DOCK2: variants seen among roughly 807,000 people sequenced by gnomAD.
The protein encoded by DOCK2 is dedicator of cytokinesis 2.
A neutral mutation model predicts 248.9 loss-of-function variants in DOCK2; 87 were observed. The observed-to-expected ratio is 0.35, with a 90% confidence interval of 0.29 to 0.42. The LOEUF is 0.42. Among genes scored for constraint, DOCK2 ranks in the 10% least tolerant of loss-of-function variants. DOCK2 has a pLI of 1.00. For synonymous variants in DOCK2, 805 were observed against 821.6 expected, an observed-to-expected ratio of 0.98 and a Z score of 0.35; for missense variants, 1,747 against 2,300.2, an observed-to-expected ratio of 0.76 and a Z score of 4.92.
At chr5:169,844,072 G>A (rs1010909111) in intron 27 of DOCK2, among the ~76,000 whole-genome samples, 1 of 152,204 alleles carries the variant, frequency 6.6e-6, no homozygotes, top group African/African-American at 2.4e-5. Context: ...AAATCTAGGA[G>A]TGGAATTGCT....
In DOCK2 at chr5:169,895,594, T is replaced by C. The variant is rs550619994; in HGVS notation, c.2799+54742T>C. 7.9e-5 allele frequency among the ~76,000 whole-genome samples: 12 copies of C among 152,178 alleles called. No individual in the cohort carries two copies. The South Asian group carries it at 1.3e-3, about 16-fold the overall frequency. ...CCTTCGGTGCCCCATGCTTTCACCC[T>C]GACTCCAGCCACTGGGGGTTCCACC... On this transcript the variant is annotated intron_variant, in intron 27 of 51. Coordinates refer to ENST00000520908, the MANE Select transcript of DOCK2 (RefSeq NM_004946.3).
intron 27 of DOCK2, among the ~76,000 whole-genome samples, chr5:169,947,452 C>A (rs535142831): frequency 6.6e-6 from 1 of 152,284 alleles, no homozygotes; most frequent in Non-Finnish European, 1.5e-5. Context: ...TTCATTAGCC[C>A]TGTTTTACAG....
intron 23 of DOCK2, among the ~76,000 whole-genome samples, chr5:169,748,551 G>T (rs1429003096): frequency 6.6e-6 from 1 of 152,218 alleles, no homozygotes; most frequent in Non-Finnish European, 1.5e-5. Flanking sequence ...AAACCTGTGT[G>T]TTGGGGAAGG....
intron 17 of DOCK2, 78 bp downstream of exon 17, chr5:169,712,301 C>A: frequency 7.7e-7 from 1 of 1,295,968 alleles, no homozygotes; most frequent in South Asian, 1.2e-5. Context: ...GCTTAGTGGT[C>A]AACAGCAGGG....
Position 169,942,543 on chromosome 5 carries a change from A to C in DOCK2, c.2800-40525A>C, listed in dbSNP as rs192703792. 1.4e-3 allele frequency among the ~76,000 whole-genome samples: 215 copies of C among 152,364 alleles called. 1 individual carries two copies. Among genetic ancestry groups the C allele is most frequent in the African/African-American group, 5.0e-3 (207 of 41,598 alleles). On this transcript the variant is annotated intron_variant, in intron 27 of 51. Transcript: ENST00000520908. ...GCAAGGATCTATTTCCATATTTTACAGAAAATTGTAATTTTCCCTCCCAAG... is the reference window on the plus strand; with the variant it reads ...GCAAGGATCTATTTCCATATTTTACCGAAAATTGTAATTTTCCCTCCCAAG...
At chr5:170,009,784 G>C (rs558036182) in intron 32 of DOCK2, among the ~76,000 whole-genome samples, 2 of 152,186 alleles carry the variant, frequency 1.3e-5, no homozygotes, top group Non-Finnish European at 2.9e-5. Context: ...TATCCACTGT[G>C]GGGGAAGCAT....
At chr5:169,944,770 G>A (rs974108351) in intron 27 of DOCK2, among the ~76,000 whole-genome samples, 10 of 152,200 alleles carry the variant, frequency 6.6e-5, no homozygotes, top group African/African-American at 1.7e-4. Flanking sequence ...AGCTCTAGAA[G>A]CACCTTGTGC....
chr5:170,079,357 A>G, intron 49 of DOCK2: 1 of 579,984 alleles, frequency 1.7e-6, no homozygotes, highest in Non-Finnish European at 3.0e-6. Flanking sequence ...CAGAGCTGGG[A>G]GTTGAGCCCT....
chr5:169,814,169 A>G (rs1242658562), intron 26 of DOCK2, among the ~76,000 whole-genome samples: 3 of 152,212 alleles, frequency 2.0e-5, no homozygotes, highest in Admixed American at 6.5e-5. Flanking sequence ...CAGTGGAGAC[A>G]ACTGATAGAC....
intron 38 of DOCK2, among the ~76,000 whole-genome samples, chr5:170,044,313 T>C (rs1257360062): frequency 6.6e-6 from 1 of 152,234 alleles, no homozygotes; most frequent in Non-Finnish European, 1.5e-5. Flanking sequence ...GTTTCATTAC[T>C]GCACACCACA....
intron 1 of DOCK2, among the ~76,000 whole-genome samples, chr5:169,638,259 C>G (rs139322396): frequency 2.6e-5 from 4 of 152,132 alleles, no homozygotes; most frequent in African/African-American, 9.7e-5. Flanking sequence ...CAGGGGGTCC[C>G]CAGGCCACTG....
intron 29 of DOCK2, among the ~76,000 whole-genome samples, chr5:169,995,324 C>T (rs992827406): frequency 5.9e-5 from 9 of 152,078 alleles, no homozygotes; most frequent in African/African-American, 1.2e-4. Flanking sequence ...CCACTGCACC[C>T]GGCCCATTTG....
At chr5:169,963,952 G>T (rs1777194996) in intron 27 of DOCK2, among the ~76,000 whole-genome samples, 1 of 152,042 alleles carries the variant, frequency 6.6e-6, no homozygotes. Flanking sequence ...GCAGCTCCAG[G>T]GCCCACACAG....
intron 15 of DOCK2, among the ~76,000 whole-genome samples, chr5:169,710,297 C>A (rs1761503448): frequency 6.6e-6 from 1 of 152,168 alleles, no homozygotes; most frequent in Non-Finnish European, 1.5e-5. Flanking sequence ...CCCTTGATCA[C>A]CCTTCCTTGG....
chr5:169,761,655 G>A (rs1487616750), intron 25 of DOCK2, 30 bp downstream of exon 25: 3 of 1,594,710 alleles, frequency 1.9e-6, no homozygotes, highest in African/African-American at 2.7e-5. Context: ...GCTGGGGTGG[G>A]GTAAGGGGCC....
chr5:170,081,342 A>G (rs1291477429), intron 50 of DOCK2: 3 of 155,962 alleles, frequency 1.9e-5, no homozygotes, highest in Non-Finnish European at 2.8e-5. Context: ...CCATTTGGCC[A>G]ATGTCAAAAC....
At chr5:169,964,927 A>G (rs75996177) in intron 27 of DOCK2, among the ~76,000 whole-genome samples, 2,995 of 152,304 alleles carry the variant, frequency 0.02, 150 homozygotes, top group Admixed American at 0.11. Flanking sequence ...GCTCATGACT[A>G]TTATTCTGTT....
At chr5:169,949,506 C>A (rs890509447) in intron 27 of DOCK2, among the ~76,000 whole-genome samples, 1 of 151,806 alleles carries the variant, frequency 6.6e-6, no homozygotes, top group African/African-American at 2.4e-5. Flanking sequence ...GTAAAAGTAG[C>A]TGGAGCCTGG....
intron 25 of DOCK2, among the ~76,000 whole-genome samples, chr5:169,791,352 G>C (rs1766327516): frequency 6.6e-6 from 1 of 152,194 alleles, no homozygotes; most frequent in African/African-American, 2.4e-5. Flanking sequence ...ATAAAAAAAT[G>C]AAAGAAGTGA....
Sources: allele counts gnomAD v4.1 joint callset (sites outside exome capture counted in the v4.1 genomes callset), GRCh38; gene constraint gnomAD v4.1.1; transcripts MANE v1.5; gene names NCBI Gene and HGNC (gene_info 2026-07-23, HGNC 2026-07-21).